Variants in TRPM3 observed in about 807,000 individuals in gnomAD.
TRPM3 encodes the protein transient receptor potential cation channel subfamily M member 3.
TRPM3 carries 77 observed loss-of-function variants against 181.2 expected under a neutral mutation model. That is an observed-to-expected ratio of 0.42 (90% CI 0.35 to 0.51). The LOEUF is 0.51. TRPM3 is among the 20% of genes least tolerant of loss of function. TRPM3 has a pLI of 0.01. For synonymous variants in TRPM3, 745 were observed against 796.4 expected (o/e 0.94, Z 1.09); for missense variants, 1,759 against 2,196.7 (o/e 0.80, Z 3.98).
chr9:71,302,248 T>C (rs746825377), intron 1 of TRPM3, among the ~76,000 whole-genome samples: 1 of 152,166 alleles, frequency 6.6e-6, no homozygotes, highest in Non-Finnish European at 1.5e-5. Context: ...CTTCAACATG[T>C]CTGAAATCAT....
At chr9:71,320,049 T>C (rs1182265156) in intron 1 of TRPM3, among the ~76,000 whole-genome samples, 1 of 152,052 alleles carries the variant, frequency 6.6e-6, no homozygotes, top group East Asian at 1.9e-4. Flanking sequence ...GATGGGAATA[T>C]GAGTAAGGGT....
intron 22 of TRPM3, among the ~76,000 whole-genome samples, chr9:70,581,476 G>T (rs761028324): frequency 6.6e-6 from 1 of 152,246 alleles, no homozygotes; most frequent in Non-Finnish European, 1.5e-5. Flanking sequence ...CTTACATATT[G>T]AGGTTGCAGG....
At chr9:70,824,051 T>C (rs1320356584) in intron 6 of TRPM3, among the ~76,000 whole-genome samples, 1 of 152,184 alleles carries the variant, frequency 6.6e-6, no homozygotes, top group Non-Finnish European at 1.5e-5. Flanking sequence ...ATCATTGCCA[T>C]GTTGATGAAA....
At chr9:70,905,484 A>G (rs2096450874) in intron 1 of TRPM3, among the ~76,000 whole-genome samples, 1 of 152,148 alleles carries the variant, frequency 6.6e-6, no homozygotes, top group South Asian at 2.1e-4. Flanking sequence ...GACAGCCTCC[A>G]TTTAGTTGTA....
At chr9:70,817,628 G>A (rs1347438236) in intron 6 of TRPM3, among the ~76,000 whole-genome samples, 1 of 152,124 alleles carries the variant, frequency 6.6e-6, no homozygotes, top group Non-Finnish European at 1.5e-5. Context: ...AAGATCTCCT[G>A]CCAATCTAAT....
intron 1 of TRPM3, among the ~76,000 whole-genome samples, chr9:71,230,362 G>C (rs1317389166): frequency 2.6e-5 from 4 of 151,378 alleles, no homozygotes; most frequent in Non-Finnish European, 5.9e-5. Flanking sequence ...TGATTAATAG[G>C]TACAAAAAAA....
chr9:70,777,270 T>C (rs570415792), intron 7 of TRPM3, among the ~76,000 whole-genome samples: 1 of 152,256 alleles, frequency 6.6e-6, no homozygotes, highest in Non-Finnish European at 1.5e-5. Flanking sequence ...TTTGCTCAAC[T>C]CTTTAGAAAA....
At chr9:70,963,653 C>T (rs1175197754) in intron 1 of TRPM3, among the ~76,000 whole-genome samples, 2 of 152,070 alleles carry the variant, frequency 1.3e-5, no homozygotes, top group Non-Finnish European at 1.5e-5. Flanking sequence ...AAAAATGAGG[C>T]TTGGAAGGAG....
intron 1 of TRPM3, among the ~76,000 whole-genome samples, chr9:70,957,507 C>G (rs1310036335): frequency 6.6e-6 from 1 of 152,104 alleles, no homozygotes; most frequent in Non-Finnish European, 1.5e-5. Context: ...AATCATGTAT[C>G]TTTTCTTTTA....
intron 1 of TRPM3, among the ~76,000 whole-genome samples, chr9:71,006,740 G>A (rs1414238168): frequency 2.6e-5 from 4 of 151,714 alleles, no homozygotes; most frequent in East Asian, 3.9e-4. Context: ...GCGTGGTGGC[G>A]GGCACCTGTA....
intron 1 of TRPM3, among the ~76,000 whole-genome samples, chr9:71,181,438 C>G (rs1382784303): frequency 6.7e-6 from 1 of 149,578 alleles, no homozygotes; most frequent in Non-Finnish European, 1.5e-5. Flanking sequence ...AAACAATAAT[C>G]TGAGCCCTTA....
intron 6 of TRPM3, among the ~76,000 whole-genome samples, chr9:70,812,452 G>A (rs1245254617): frequency 1.3e-5 from 2 of 152,182 alleles, no homozygotes; most frequent in Admixed American, 1.3e-4. Flanking sequence ...TCTAAGGGTT[G>A]GTTCCTCTGG....
At chr9:71,201,325 C>T (rs139165141) in intron 1 of TRPM3, among the ~76,000 whole-genome samples, 64,811 of 151,604 alleles carry the variant, frequency 0.43, 14,225 homozygotes, top group East Asian at 0.52. Flanking sequence ...TTCATTTCAA[C>T]TTTGGTGAAT....
chr9:71,407,156 T>A (rs899860530), intron 1 of TRPM3, among the ~76,000 whole-genome samples: 1 of 152,172 alleles, frequency 6.6e-6, no homozygotes, highest in African/African-American at 2.4e-5. Context: ...GCTCCCAGCA[T>A]GAGCGACACA....
rs572384953 is a variant in TRPM3, at chr9:71,205,681, T to C, written c.183+240972A>G. Among the ~76,000 whole-genome samples, 16 of 152,362 alleles carry C rather than the reference T, an allele frequency of 1.1e-4. No individual in the cohort carries two copies. The East Asian group carries it at 2.9e-3, about 28-fold the overall frequency. On this transcript the variant is annotated intron_variant, in intron 1 of 24. Coordinates refer to the TRPM3 transcript ENST00000357533. ...CTGATACATTTTGAATTATCTACTA[T>C]GTAGTCAGAAAGTTATCAGCTCAAG...
At chr9:70,664,975 A>T (rs2133979767) in intron 9 of TRPM3, among the ~76,000 whole-genome samples, 1 of 152,232 alleles carries the variant, frequency 6.6e-6, no homozygotes, top group East Asian at 1.9e-4. Flanking sequence ...ACGCCCTCCC[A>T]GGGCTGCCTG....
Position 70,649,427 on chromosome 9 carries a change from A to C in TRPM3, c.1346-8767T>G, listed in dbSNP as rs565493530. 3.3e-5 allele frequency among the ~76,000 whole-genome samples: 5 copies of C among 152,220 alleles called. No individual in the cohort carries two copies. The South Asian group carries it at 1.0e-3, about 32-fold the overall frequency. On this transcript the variant is annotated intron_variant, in intron 9 of 25. Transcript: ENST00000677713. ...TGGTCTCGAACTCCTGACCTCAAGC[A>C]ATCTGCTAGCCTCAGCTTCCTAAAG... is the stretch of plus-strand genomic sequence containing the variant.
chr9:71,028,032 A>G (rs1354652306), intron 1 of TRPM3, among the ~76,000 whole-genome samples: 2 of 152,204 alleles, frequency 1.3e-5, no homozygotes, highest in Non-Finnish European at 2.9e-5. Flanking sequence ...CCAAGGTAGA[A>G]AAGAAAGAAA....
upstream of TRPM3, among the ~76,000 whole-genome samples, chr9:71,123,382 T>A (rs1201225351): frequency 1.3e-5 from 2 of 152,210 alleles, no homozygotes; most frequent in Non-Finnish European, 2.9e-5. Context: ...TTTACGTACC[T>A]TCTTTGTGTC....
Sources: gnomAD v4.1 joint callset for allele counts (sites outside exome capture counted in the v4.1 genomes callset) on GRCh38, gnomAD v4.1.1 for gene constraint, MANE v1.5 for transcripts, NCBI Gene and HGNC (gene_info 2026-07-23, HGNC 2026-07-21) for gene names.